EPB41L1: variants seen among roughly 807,000 people sequenced by gnomAD.
The protein encoded by EPB41L1 is erythrocyte membrane protein band 4.1 like 1, also known as band 4.1-like protein 1.
EPB41L1 carries 29 observed loss-of-function variants against 97.8 expected under a neutral mutation model. The ratio of observed to expected loss-of-function variants is 0.30; its 90% CI spans 0.22 to 0.40. The LOEUF (loss-of-function observed/expected upper bound fraction) is 0.40, where lower values mean the gene tolerates loss of function less well. Ranked by LOEUF, EPB41L1 falls within the 10% of genes least tolerant of loss-of-function variation. EPB41L1 has a pLI of 1.00. For missense variants in EPB41L1, 812 were observed against 1,162.3 expected, an observed-to-expected ratio of 0.70 and a Z score of 4.38; for synonymous variants, 383 against 459.2, an observed-to-expected ratio of 0.83 and a Z score of 2.12.
At chr20:36,164,479 C>T (rs78331434) in intron 1 of EPB41L1, among the ~76,000 whole-genome samples, 6,013 of 152,256 alleles carry the variant, frequency 0.039, 164 homozygotes, top group Middle Eastern at 0.065. Flanking sequence ...TCCAAGAACA[C>T]CTGGGCAACA....
chr20:36,182,145 C>A, intron 5 of EPB41L1, 127 bp from the exon 6 acceptor site: 1 of 829,218 alleles, frequency 1.2e-6, no homozygotes, highest in Non-Finnish European at 2.1e-6. Context: ...ATGTTCCAGC[C>A]TTCCTGATTG....
At chr20:36,153,579 G>C (rs1600627034), upstream of EPB41L1, among the ~76,000 whole-genome samples, 1 of 152,174 alleles carries the variant, frequency 6.6e-6, no homozygotes, top group South Asian at 2.1e-4. Flanking sequence ...GTGGACCCAT[G>C]GACAGAAATC....
At chr20:36,168,134 T>C (rs1413566491) in intron 1 of EPB41L1, among the ~76,000 whole-genome samples, 1 of 152,048 alleles carries the variant, frequency 6.6e-6, no homozygotes, top group Non-Finnish European at 1.5e-5. Context: ...GGCTGCTGAG[T>C]GCCCCTGGAA....
chr20:36,207,125 T>G lies in EPB41L1; in HGVS notation c.1669-2363T>G, dbSNP rs1355137208. On this transcript the variant is annotated intron_variant, in intron 14 of 21. Coordinates refer to ENST00000338074, the MANE Select transcript of EPB41L1 (RefSeq NM_012156.2). The surrounding 1 kb of genome is among the most constrained non-coding windows in gnomAD (Gnocchi z 4.9). ...GGTCATTCTGAGGACCTGGCAGCTCTGGAGGAAGCTTCTCCAAGCCCAACC... is the reference window on the plus strand; with the variant it reads ...GGTCATTCTGAGGACCTGGCAGCTCGGGAGGAAGCTTCTCCAAGCCCAACC... The G allele has an allele frequency of 7.8e-7, 1 of 1,289,450 alleles. No homozygotes were observed. The highest frequency in any genetic ancestry group is 2.3e-5 in the Admixed American group (1 of 43,550). The allele number at this position is 1,289,450 out of a possible 1,614,324, so 79.9% of individuals were successfully genotyped here.
chr20:36,222,514 C>A, intron 21 of EPB41L1, 120 bp downstream of exon 21: 1 of 754,282 alleles, frequency 1.3e-6, no homozygotes, highest in South Asian at 1.6e-5. Context: ...TTGACCCTCC[C>A]CCCATCAGCC....
At chr20:36,200,891 ATC>A (rs1488810596) in intron 14 of EPB41L1, 1 of 456,402 alleles carries the variant, frequency 2.2e-6, no homozygotes, top group Non-Finnish European at 4.4e-6. Flanking sequence ...GACCCAGGAC[ATC>A]TCTCAGCGGG....
At chr20:36,211,810 C>T (rs1024738683) in intron 15 of EPB41L1, among the ~76,000 whole-genome samples, 2 of 152,056 alleles carry the variant, frequency 1.3e-5, no homozygotes, top group African/African-American at 2.4e-5. Flanking sequence ...GCCGAGATCG[C>T]ACCATCGCAC....
intron 2 of EPB41L1, among the ~76,000 whole-genome samples, chr20:36,144,174 G>A (rs539308448): frequency 2.0e-5 from 3 of 152,100 alleles, no homozygotes; most frequent in East Asian, 1.9e-4. Flanking sequence ...TTAGAACTGC[G>A]CTAGTCCAAC....
Position 36,194,096 on chromosome 20 carries a change from G to A in EPB41L1, c.1301-116G>A, listed in dbSNP as rs973094928. On this transcript the variant is annotated intron_variant, in intron 11 of 21. Transcript: ENST00000338074. ...CTTCACCCCTCTGGGCAATGGGTGA[G>A]GGGTGTGGAAGAGTTGGCTCCACTC... is the stretch of plus-strand genomic sequence containing the variant. The A allele has an allele frequency of 2.1e-5, 29 of 1,355,858 alleles. 1 individual carries two copies. Among genetic ancestry groups the A allele is most frequent in the Non-Finnish European group, 2.9e-5 (28 of 965,130 alleles). The allele number at this position is 1,355,858 out of a possible 1,614,324, so 84.0% of individuals were successfully genotyped here.
At chr20:36,222,058 C>T in intron 20 of EPB41L1, 114 bp downstream of exon 20, 2 of 1,206,090 alleles carry the variant, frequency 1.7e-6, no homozygotes, top group South Asian at 2.4e-5. Flanking sequence ...CCACTTCTTG[C>T]TGACCCTGTT....
upstream of EPB41L1, chr20:36,154,614 G>A (rs2060204203): frequency 4.1e-5 from 37 of 906,856 alleles, no homozygotes; most frequent in South Asian, 1.0e-4. The surrounding 1 kb of genome is among the most constrained non-coding windows in gnomAD (Gnocchi z 5.5). Flanking sequence ...GGCCGCCCCT[G>A]GGCTGGGCTC....
intron 17 of EPB41L1, among the ~76,000 whole-genome samples, chr20:36,218,289 C>T (rs73289659): frequency 0.029 from 4,376 of 152,238 alleles, 165 homozygotes; most frequent in African/African-American, 0.087. Context: ...GAGAATTAAA[C>T]GAGATGAGGC....
intron 17 of EPB41L1, among the ~76,000 whole-genome samples, chr20:36,216,906 G>A (rs1241397909): frequency 6.6e-6 from 1 of 152,186 alleles, no homozygotes; most frequent in Non-Finnish European, 1.5e-5. Context: ...GGGGACAAGA[G>A]GAAAGATGAG....
intron 2 of EPB41L1, chr20:36,125,378 T>C (rs762846260): frequency 2.0e-5 from 14 of 705,464 alleles, no homozygotes; most frequent in Non-Finnish European, 2.8e-5. Flanking sequence ...TGACTTCTGC[T>C]AGGTTCATTT....
At chr20:36,221,474 C>T (rs1386142328) in intron 19 of EPB41L1, among the ~76,000 whole-genome samples, 3 of 152,216 alleles carry the variant, frequency 2.0e-5, no homozygotes, top group Non-Finnish European at 1.5e-5. Context: ...CAAGAGCTGG[C>T]AGCCTGGTGA....
At chr20:36,145,585 A>G (rs1569127070) in intron 2 of EPB41L1, among the ~76,000 whole-genome samples, 1 of 152,026 alleles carries the variant, frequency 6.6e-6, no homozygotes, top group Non-Finnish European at 1.5e-5. Context: ...CTGAGTCTTC[A>G]CCAGGAGCAA....
chr20:36,174,104 C>A, intron 2 of EPB41L1, 150 bp downstream of exon 2: 2 of 907,018 alleles, frequency 2.2e-6, no homozygotes, highest in Non-Finnish European at 3.5e-6. Context: ...GTGCTGGGAG[C>A]ATTGTTGTTA....
intron 1 of EPB41L1, among the ~76,000 whole-genome samples, chr20:36,156,946 G>A (rs1371676578): frequency 1.3e-5 from 2 of 152,262 alleles, no homozygotes; most frequent in East Asian, 1.9e-4. Context: ...GGGGACACAG[G>A]CGTGCGCCAT....
chr20:36,210,114 AC>A (rs2063048732), intron 15 of EPB41L1, among the ~76,000 whole-genome samples: 1 of 151,850 alleles, frequency 6.6e-6, no homozygotes, highest in South Asian at 2.1e-4. Context: ...TAACCCTGTG[AC>A]CCCATCGCTT....
Sources: allele counts gnomAD v4.1 joint callset (sites outside exome capture counted in the v4.1 genomes callset), GRCh38; gene constraint gnomAD v4.1.1; non-coding constraint Gnocchi (gnomAD v3.1); transcripts MANE v1.5; gene names NCBI Gene and HGNC (gene_info 2026-07-23, HGNC 2026-07-21).